RBM19: variants seen among roughly 807,000 people sequenced by gnomAD.
RBM19 encodes the protein probable RNA-binding protein 19.
A neutral mutation model predicts 116.8 loss-of-function variants in RBM19; 94 were observed. The observed-to-expected ratio is 0.80, with a 90% confidence interval of 0.68 to 0.95. The LOEUF is 0.95. Ranked by LOEUF, RBM19 falls within the 40% of genes least tolerant of loss-of-function variation. RBM19 has a pLI of 0.00. For synonymous variants in RBM19, 475 were observed against 494.1 expected, an observed-to-expected ratio of 0.96 and a Z score of 0.51; for missense variants, 1,161 against 1,220.7, an observed-to-expected ratio of 0.95 and a Z score of 0.73.
intron 16 of RBM19, chr12:113,932,750 A>C (rs1162260912): frequency 6.6e-6 from 1 of 152,228 alleles, no homozygotes; most frequent in Non-Finnish European, 1.5e-5. Context: ...ACTCAAACAG[A>C]TGTTTGCCAA....
chr12:113,953,170 G>C (rs1182484035), intron 7 of RBM19, among the ~76,000 whole-genome samples: 20 of 152,214 alleles, frequency 1.3e-4, no homozygotes, highest in African/African-American at 2.4e-5. Flanking sequence ...AAGGGCAAAA[G>C]ACATGATCGG....
intron 20 of RBM19, among the ~76,000 whole-genome samples, chr12:113,917,358 C>T (rs1377532071): frequency 2.0e-5 from 3 of 152,224 alleles, no homozygotes; most frequent in Admixed American, 6.5e-5. Flanking sequence ...CAAAGTCACC[C>T]ATGCAAGGTC....
At chr12:113,909,423 G>A (rs188035737) in intron 21 of RBM19, among the ~76,000 whole-genome samples, 1 of 152,270 alleles carries the variant, frequency 6.6e-6, no homozygotes, top group East Asian at 1.9e-4. Context: ...CCCTGGTGAT[G>A]GCCATGCGGG....
chr12:113,965,318 A>G (rs549144822), intron 1 of RBM19, among the ~76,000 whole-genome samples: 1 of 130,082 alleles, frequency 7.7e-6, no homozygotes, highest in African/African-American at 3.2e-5. Context: ...ACAAAAAACA[A>G]AACCAAAAAA....
In RBM19 at chr12:113,966,293, T is replaced by TA; in HGVS notation, c.-67dup. The stretch of plus-strand genomic sequence containing the variant: ...CAGCGTCTTCCACCAAGTTTCACGC[T>TA]ACCGCCCTGGGCGCCGCCATCTTTA... On this transcript the variant is annotated 5_prime_UTR_variant, in exon 1 of 24. An upstream open reading frame in the 5' UTR loses its in-frame stop. Coordinates refer to ENST00000261741, the MANE Select transcript of RBM19 (RefSeq NM_016196.4). 1 of 1,603,028 alleles carries TA rather than the reference T, an allele frequency of 6.2e-7. No homozygotes were observed. The highest frequency in any genetic ancestry group is 8.5e-7 in the Non-Finnish European group (1 of 1,169,940).
intron 13 of RBM19, among the ~76,000 whole-genome samples, chr12:113,944,396 C>T (rs1346787192): frequency 6.6e-6 from 1 of 151,942 alleles, no homozygotes. Context: ...CCGTTCCCAA[C>T]CCAGATGCAT....
At chr12:113,927,852 A>G (rs185870011) in intron 16 of RBM19, among the ~76,000 whole-genome samples, 2 of 152,232 alleles carry the variant, frequency 1.3e-5, no homozygotes, top group Non-Finnish European at 2.9e-5. Context: ...AAAATACTCT[A>G]TGTTCACAAA....
chr12:113,966,191 C>T lies in RBM19; in HGVS notation c.36+1G>A. ...TTCCCAAGTCCTGCCTCTGCACTCA[C>T]CCCATTCGGGAGATTCTTCACGATC... On this transcript the variant is annotated splice_donor_variant, in intron 1 of 23. Coordinates refer to ENST00000261741, the MANE Select transcript of RBM19 (RefSeq NM_016196.4). LOFTEE classifies it high-confidence loss of function. 1 of 1,614,270 alleles carries T rather than the reference C, an allele frequency of 6.2e-7. No individual in the cohort carries two copies. The highest frequency in any genetic ancestry group is 8.5e-7 in the Non-Finnish European group (1 of 1,180,040).
intron 17 of RBM19, among the ~76,000 whole-genome samples, chr12:113,925,062 C>T (rs1261916349): frequency 6.6e-6 from 1 of 152,216 alleles, no homozygotes; most frequent in Non-Finnish European, 1.5e-5. Context: ...ATGGGGTCTA[C>T]TGCCCCAGTC....
intron 21 of RBM19, among the ~76,000 whole-genome samples, chr12:113,884,386 C>T (rs780484071): frequency 1.8e-4 from 28 of 151,988 alleles, no homozygotes; most frequent in Non-Finnish European, 2.8e-4. Flanking sequence ...TTGCCCCTGT[C>T]CCCACCTCTA....
At chr12:113,915,158 C>T (rs1593578553) in intron 20 of RBM19, 73 bp from the exon 21 acceptor site, 16 of 1,183,600 alleles carry the variant, frequency 1.4e-5, no homozygotes, top group African/African-American at 6.0e-5. Flanking sequence ...GACTCCACTA[C>T]GCCTCCATCA....
chr12:113,878,791 G>C (rs1030484842), intron 21 of RBM19, among the ~76,000 whole-genome samples: 1 of 130,404 alleles, frequency 7.7e-6, no homozygotes, highest in African/African-American at 2.8e-5. Context: ...GCATGCAACT[G>C]AGTGAAAAGA....
rs115477567 is a variant in RBM19, at chr12:113,857,899, C to A, written c.2664+892G>T. ...AAATGTTCACTGTTCTTCTGAGGAG[C>A]AGCTCGTCAGAGGTGAAGGGGATCC... On this transcript the variant is annotated intron_variant, in intron 22 of 23. Transcript: ENST00000261741. 3.4e-3 allele frequency among the ~76,000 whole-genome samples: 512 copies of A among 152,352 alleles called. 6 individuals are homozygous for A. Among genetic ancestry groups the A allele is most frequent in the African/African-American group, 0.012 (497 of 41,580 alleles).
intron 14 of RBM19, among the ~76,000 whole-genome samples, 169 bp downstream of exon 14, chr12:113,942,155 C>T (rs2135910097): frequency 6.6e-6 from 1 of 152,310 alleles, no homozygotes; most frequent in Admixed American, 6.5e-5. Context: ...GTCAGATAGG[C>T]CACTTGTCTC....
At position 113,952,531 on chromosome 12, in the gene RBM19, G is replaced by A. The variant is rs761687000; in HGVS notation, c.981C>T (p.Asn327=). The A allele has an allele frequency of 1.3e-5, 21 of 1,613,502 alleles. No homozygotes were observed. The Admixed American group carries it at 1.5e-4, about 12-fold the overall frequency. ...LKPVAIRIVR[N]AHGNKTGYIF... The stretch of plus-strand genomic sequence containing the variant: ...TCTTACCTGTTTTATTCCCATGAGC[G>A]TTTCTCACAATTCGAATGGCCACTG... Residue 327 remains asparagine (N), a synonymous_variant, in exon 8 of 24, where the codon AAC becomes AAT. Transcript: ENST00000261741.
At chr12:113,865,652 G>A (rs368416159) in intron 21 of RBM19, among the ~76,000 whole-genome samples, 5 of 152,270 alleles carry the variant, frequency 3.3e-5, no homozygotes, top group Admixed American at 6.5e-5. Context: ...GTATGTTCTT[G>A]TGGAAGCATA....
chr12:113,946,661 G>C (rs1048811704), intron 11 of RBM19, among the ~76,000 whole-genome samples, 186 bp from the exon 12 acceptor site: 1 of 152,140 alleles, frequency 6.6e-6, no homozygotes, highest in Non-Finnish European at 1.5e-5. Flanking sequence ...TCCTGATGTC[G>C]TGAGGGGGCC....
At chr12:113,867,685 C>T (rs946267130) in intron 21 of RBM19, among the ~76,000 whole-genome samples, 24 of 152,232 alleles carry the variant, frequency 1.6e-4, no homozygotes, top group African/African-American at 5.8e-4. Context: ...CTCTGGGAGC[C>T]CAAGGTGGGT....
intron 15 of RBM19, among the ~76,000 whole-genome samples, chr12:113,938,273 T>C (rs1870245642): frequency 6.6e-6 from 1 of 152,054 alleles, no homozygotes; most frequent in South Asian, 2.1e-4. Flanking sequence ...CTAGATAATT[T>C]TTCTTATGGG....
Sources: gnomAD v4.1 joint callset for allele counts (sites outside exome capture counted in the v4.1 genomes callset) on GRCh38, gnomAD v4.1.1 for gene constraint, MANE v1.5 for transcripts, NCBI Gene and HGNC (gene_info 2026-07-23, HGNC 2026-07-21) for gene names.